HACD4: variants seen among roughly 807,000 people sequenced by gnomAD.
HACD4 encodes 3-hydroxyacyl-CoA dehydratase 4.
HACD4 carries 35 observed loss-of-function variants against 33.3 expected under a neutral mutation model. That is an observed-to-expected ratio of 1.05 (90% CI 0.80 to 1.39). HACD4 has a LOEUF of 1.39. Ranked by LOEUF, HACD4 falls within the 40% of genes most tolerant of loss-of-function variation. The pLI is 0.00. For synonymous variants in HACD4, 118 were observed against 98.0 expected (o/e 1.20, Z -1.21); for missense variants, 323 against 276.5 (o/e 1.17, Z -1.19).
chr9:21,003,208 T>A lies in HACD4; in HGVS notation c.*3829A>T, dbSNP rs980763177. On this transcript the variant is annotated 3_prime_UTR_variant, in exon 7 of 7. Transcript: ENST00000495827. Reference sequence around the variant, plus strand: ...TAATTATAAATTCACTTGTGTTTCTTTTGGTTTTCAATTTTAAGAAGTTTT... The same window carrying A: ...TAATTATAAATTCACTTGTGTTTCTATTGGTTTTCAATTTTAAGAAGTTTT... The A allele has an allele frequency of 6.6e-6, 1 of 152,130 alleles. No homozygotes were observed. The highest frequency in any genetic ancestry group is 1.5e-5 in the Non-Finnish European group (1 of 67,994). The allele number at this position is 152,130 out of a possible 1,614,324, so 9.4% of individuals were successfully genotyped here.
At chr9:21,014,761 C>G (rs535611232) in intron 4 of HACD4, among the ~76,000 whole-genome samples, 2 of 152,040 alleles carry the variant, frequency 1.3e-5, no homozygotes, top group Admixed American at 1.3e-4. Context: ...AGTGATTTGC[C>G]CAACATCACT....
intron 4 of HACD4, among the ~76,000 whole-genome samples, chr9:21,013,877 G>T (rs544380816): frequency 1.3e-5 from 2 of 152,194 alleles, no homozygotes; most frequent in South Asian, 4.2e-4. Flanking sequence ...AATAGAGATA[G>T]TTTTACTTGT....
Position 21,011,636 on chromosome 9 carries a change from C to A in HACD4, c.443G>T (p.Ser148Ile), listed in dbSNP as rs377281735. 6.2e-7 allele frequency: 1 copy of A among 1,612,302 alleles called. No individual in the cohort carries two copies. The highest frequency in any genetic ancestry group is 1.3e-5 in the African/African-American group (1 of 74,992). Residue 148 changes from serine to isoleucine, a missense_variant, in exon 5 of 7, where the codon AGT becomes ATT. By Grantham distance (142) the Ser-to-Ile change is moderately radical. Transcript: ENST00000495827. ...GISYAVLTWL[S>I]QTLWMPIYPL... ...ATAAATTGGCATCCATAGTGTTTGA[C>A]TGAGCCATGTCAAGACAGCATAGGA...
At chr9:21,008,535 C>T (rs78065595) in intron 5 of HACD4, among the ~76,000 whole-genome samples, 4,238 of 152,192 alleles carry the variant, frequency 0.028, 110 homozygotes, top group Admixed American at 0.042. Flanking sequence ...TAGTAGAACA[C>T]ATATTAACAT....
intron 5 of HACD4, among the ~76,000 whole-genome samples, chr9:21,010,227 C>G (rs746554224): frequency 6.6e-6 from 1 of 152,130 alleles, no homozygotes; most frequent in Non-Finnish European, 1.5e-5. Flanking sequence ...TTACAGAATG[C>G]TCCTTACCAG....
rs1170540602 is a variant in HACD4 at position 21,004,036 on chromosome 9, C to G, written c.*3001G>C. 6.6e-6 allele frequency: 1 copy of G among 152,166 alleles called. No individual in the cohort carries two copies. Among genetic ancestry groups the G allele is most frequent in the Non-Finnish European group, 1.5e-5 (1 of 68,056 alleles). 9.4% of individuals were successfully genotyped at this position (152,166 alleles called of 1,614,324 possible). On this transcript the variant is annotated 3_prime_UTR_variant, in exon 7 of 7. Transcript: ENST00000495827. This position sits in a 1 kb window ranked among gnomAD's most constrained non-coding sequence, Gnocchi z 4.6. ...GGTCTTCTCTTTTGAGATAGAGTCT[C>G]ACTCTGTCACCCAGGCTGGAGTGCA... is the stretch of plus-strand genomic sequence containing the variant.
intron 4 of HACD4, 148 bp from the exon 5 acceptor site, chr9:21,011,843 T>C: frequency 1.8e-6 from 1 of 554,548 alleles, no homozygotes; most frequent in Non-Finnish European, 3.1e-6. Flanking sequence ...AGAGTTTTTT[T>C]TAAATGGGGG....
chr9:21,016,084 C>A, intron 3 of HACD4, 74 bp from the exon 4 acceptor site: 1 of 941,736 alleles, frequency 1.1e-6, no homozygotes, highest in Non-Finnish European at 1.7e-6. Context: ...ATTTTGAAAA[C>A]CAGATCTCCT....
chr9:21,013,916 C>T (rs1842496797), intron 4 of HACD4, among the ~76,000 whole-genome samples: 1 of 151,890 alleles, frequency 6.6e-6, no homozygotes, highest in South Asian at 2.1e-4. Context: ...CCTTTTATAC[C>T]ATTTTGTTTG....
chr9:21,001,481 G>A lies in HACD4; in HGVS notation c.*5556C>T, dbSNP rs1223486969. On this transcript the variant is annotated 3_prime_UTR_variant, in exon 7 of 7. Transcript: ENST00000495827. The stretch of plus-strand genomic sequence containing the variant: ...CATACACATTGTGAGGATCCCAGAA[G>A]GAAAAGAGAGAAAGAAAGGAGCAGA... 2 of 151,806 alleles carry A rather than the reference G, an allele frequency of 1.3e-5. No individual in the cohort carries two copies. Among genetic ancestry groups the A allele is most frequent in the Non-Finnish European group, 2.9e-5 (2 of 67,934 alleles). 9.4% of individuals were successfully genotyped at this position (151,806 alleles called of 1,614,324 possible).
intron 3 of HACD4, among the ~76,000 whole-genome samples, chr9:21,016,984 CTTATG>C (rs1343496059): frequency 6.6e-6 from 1 of 151,906 alleles, no homozygotes; most frequent in Non-Finnish European, 1.5e-5. Flanking sequence ...AAAGTGCCTT[CTTATG>C]TTATATTAAT....
intron 1 of HACD4, 148 bp downstream of exon 1, chr9:21,031,405 T>G: frequency 5.3e-5 from 67 of 1,274,532 alleles, no homozygotes; most frequent in East Asian, 6.6e-5. Context: ...AATACCTGCA[T>G]GAGCTCCAAG....
Position 21,007,103 on chromosome 9 carries a change from G to A in HACD4, c.633C>T (p.Tyr211=). 5 of 1,555,934 alleles carry A rather than the reference G, an allele frequency of 3.2e-6. No homozygotes were observed. The highest frequency in any genetic ancestry group is 1.1e-5 in the South Asian group (1 of 89,880). Residue 211 remains tyrosine, a synonymous_variant, in exon 7 of 7, where the codon TAC becomes TAT. Coordinates refer to ENST00000495827, the MANE Select transcript of HACD4 (RefSeq NM_001010915.5). ...CTCTTCTTTCTGAGTATAGATGACT[G>A]TAGGTAAAATACATACCTAATATGG... ...MMLFIGMYFT[Y]SHLYSERRDI...
intron 4 of HACD4, among the ~76,000 whole-genome samples, chr9:21,012,440 T>A (rs1360717132): frequency 1.3e-5 from 2 of 152,176 alleles, no homozygotes; most frequent in African/African-American, 2.4e-5. Flanking sequence ...ACTACTAATA[T>A]AGACAGACAA....
chr9:21,029,669 TATC>T (rs1818156896), intron 1 of HACD4, among the ~76,000 whole-genome samples: 1 of 152,118 alleles, frequency 6.6e-6, no homozygotes, highest in African/African-American at 2.4e-5. Flanking sequence ...AAACTGAAAA[TATC>T]ATAAGTTGAA....
intron 3 of HACD4, among the ~76,000 whole-genome samples, chr9:21,021,061 A>C (rs1220475686): frequency 6.6e-6 from 1 of 152,202 alleles, no homozygotes; most frequent in Non-Finnish European, 1.5e-5. Context: ...CTGGGATGCA[A>C]GGCTGGTTCA....
intron 3 of HACD4, among the ~76,000 whole-genome samples, chr9:21,020,678 T>C (rs372663491): frequency 1.3e-5 from 2 of 152,200 alleles, no homozygotes; most frequent in Admixed American, 1.3e-4. Flanking sequence ...ATTTCTTTTA[T>C]GCTTCTTTTG....
At position 21,000,214 on chromosome 9, in the gene HACD4, A is replaced by G. The variant is rs1251526196; in HGVS notation, c.*6823T>C. The G allele has an allele frequency of 2.0e-5, 3 of 152,182 alleles. No individual in the cohort carries two copies. Among genetic ancestry groups the G allele is most frequent in the Non-Finnish European group, 2.9e-5 (2 of 68,020 alleles). The allele number at this position is 152,182 out of a possible 1,614,324, so 9.4% of individuals were successfully genotyped here. A position where few individuals can be genotyped will look rare whatever the true frequency, so the allele number is the denominator to read the frequency against. On this transcript the variant is annotated 3_prime_UTR_variant, in exon 7 of 7. Transcript: ENST00000495827. ...CTAACCTTATTTTAGATGAGATTTA[A>G]AACTCCAGCTACCCTTAGCAAAAAT...
chr9:21,007,982 C>A (rs1289156060), intron 6 of HACD4, 39 bp downstream of exon 6: 2 of 1,559,100 alleles, frequency 1.3e-6, no homozygotes, highest in Admixed American at 1.9e-5. Context: ...CCAAAAAGTA[C>A]AGGAAAAATG....
Sources: gnomAD v4.1 joint callset for allele counts (sites outside exome capture counted in the v4.1 genomes callset) on GRCh38, gnomAD v4.1.1 for gene constraint, Gnocchi (gnomAD v3.1) non-coding constraint, MANE v1.5 for transcripts, NCBI Gene and HGNC (gene_info 2026-07-23, HGNC 2026-07-21) for gene names.